FAM83F: variants seen among roughly 807,000 people sequenced by gnomAD.
FAM83F encodes the protein protein FAM83F.
A neutral mutation model predicts 42.9 loss-of-function variants in FAM83F; 45 were observed. That is an observed-to-expected ratio of 1.05 (90% CI 0.83 to 1.35). FAM83F has a LOEUF of 1.35. Among genes scored for constraint, FAM83F ranks in the 40% most tolerant of loss-of-function variants. FAM83F has a pLI of 0.00. For missense variants in FAM83F, 617 were observed against 695.9 expected (o/e 0.89, Z 1.28); for synonymous variants, 306 against 298.3 (o/e 1.03, Z -0.27).
intron 1 of FAM83F, among the ~76,000 whole-genome samples, chr22:40,007,610 TCTCCTCTCTTC>T (rs2067442880): frequency 2.6e-5 from 1 of 38,890 alleles, no homozygotes. Context: ...CCTCCTCTCT[TCTCCTCTCTTC>T]CTCCTCTCCT....
In FAM83F at chr22:40,029,631, G is replaced by A. The variant is rs1354562222; in HGVS notation, c.*66G>A. ...TGCCCTGCCCTGTGCTGTGGAGAGCGCAGGTCGCACACTGCACCAGTTTGC... is the reference window on the plus strand; with the variant it reads ...TGCCCTGCCCTGTGCTGTGGAGAGCACAGGTCGCACACTGCACCAGTTTGC... On this transcript the variant is annotated 3_prime_UTR_variant, in exon 5 of 5. Coordinates refer to ENST00000333407, the MANE Select transcript of FAM83F (RefSeq NM_138435.4). 15 of 1,572,556 alleles carry A rather than the reference G, an allele frequency of 9.5e-6. No homozygotes were observed. The highest frequency in any genetic ancestry group is 2.3e-5 in the East Asian group (1 of 42,618).
Position 40,019,159 on chromosome 22 carries a change from C to G in FAM83F, c.490-9C>G. The G allele has an allele frequency of 6.2e-7, 1 of 1,613,340 alleles. No homozygotes were observed. The highest frequency in any genetic ancestry group is 8.5e-7 in the Non-Finnish European group (1 of 1,179,710). Reference sequence around the variant, plus strand: ...ACCGTGTGCCTCACCAGTGCCTTTCCCCACCCAGGTCATTGCTGTGGTCAT... The same window carrying G: ...ACCGTGTGCCTCACCAGTGCCTTTCGCCACCCAGGTCATTGCTGTGGTCAT... On this transcript the variant is annotated splice_polypyrimidine_tract_variant and intron_variant, in intron 1 of 4. Transcript: ENST00000333407.
chr22:40,032,352 G>A lies in FAM83F; in HGVS notation c.*2787G>A, dbSNP rs1406653834. ...AAGCACAGGACTTCTGGATGGATCT[G>A]GGAGCCTGCCCCTTGGGATTTGGCA... On this transcript the variant is annotated 3_prime_UTR_variant, in exon 5 of 5. Coordinates refer to ENST00000333407, the MANE Select transcript of FAM83F (RefSeq NM_138435.4). The A allele has an allele frequency of 6.6e-6, 1 of 152,192 alleles. No individual in the cohort carries two copies. Among genetic ancestry groups the A allele is most frequent in the Non-Finnish European group, 1.5e-5 (1 of 68,044 alleles). The allele number at this position is 152,192 out of a possible 1,614,324, so 9.4% of individuals were successfully genotyped here.
In FAM83F at chr22:40,041,886, A is replaced by G. The variant is rs1245389028; in HGVS notation, c.*12321A>G. The G allele has an allele frequency of 1.3e-5, 2 of 150,410 alleles. No individual in the cohort carries two copies. The highest frequency in any genetic ancestry group is 2.9e-5 in the Non-Finnish European group (2 of 67,798). The allele number at this position is 150,410 out of a possible 1,614,324, so 9.3% of individuals were successfully genotyped here. ...CAATGTTACTTTTTTTTTTTTTGAG[A>G]CAGGGTCTTGCTCTATTGCCCAGGC... On this transcript the variant is annotated 3_prime_UTR_variant, in exon 5 of 5. Coordinates refer to ENST00000333407, the MANE Select transcript of FAM83F (RefSeq NM_138435.4).
rs1377868481 is a variant in FAM83F, at chr22:40,034,831, TTTC to T, written c.*5269_*5271del. ...CAAATGGGGTTCTGCTGTGATTTAA[TTTC>T]TTAAGGACTGGGTTTATCAAAAGTC... On this transcript the variant is annotated 3_prime_UTR_variant, in exon 5 of 5. Coordinates refer to ENST00000333407, the MANE Select transcript of FAM83F (RefSeq NM_138435.4). The T allele has an allele frequency of 6.6e-6, 1 of 152,248 alleles. No individual in the cohort carries two copies. The highest frequency in any genetic ancestry group is 1.5e-5 in the Non-Finnish European group (1 of 68,044). 9.4% of individuals were successfully genotyped at this position (152,248 alleles called of 1,614,324 possible). A position where few individuals can be genotyped will look rare whatever the true frequency, so the allele number is the denominator to read the frequency against.
chr22:40,003,546 A>G (rs530406607), intron 1 of FAM83F, among the ~76,000 whole-genome samples: 31 of 151,706 alleles, frequency 2.0e-4, no homozygotes, highest in African/African-American at 5.8e-4. Context: ...CCCCCTGCTC[A>G]GGGGGGGTGT....
chr22:40,025,478 C>G (rs988960612), intron 4 of FAM83F, among the ~76,000 whole-genome samples: 1 of 152,052 alleles, frequency 6.6e-6, no homozygotes, highest in Non-Finnish European at 1.5e-5. Context: ...TTGGAGAGGC[C>G]GAGGCAGGTG....
rs558917638 is a variant in FAM83F, at chr22:40,030,091, A to G, written c.*526A>G. On this transcript the variant is annotated 3_prime_UTR_variant, in exon 5 of 5. Transcript: ENST00000333407. Reference sequence around the variant, plus strand: ...CCTCTGAACTCCAGATGTAAGGTGCAGCTGGAACTGCAGGGGCACTGGCTG... The same window carrying G: ...CCTCTGAACTCCAGATGTAAGGTGCGGCTGGAACTGCAGGGGCACTGGCTG... The G allele has an allele frequency of 6.4e-6, 1 of 156,000 alleles. No homozygotes were observed. The highest frequency in any genetic ancestry group is 6.1e-5 in the Admixed American group (1 of 16,374). The allele number at this position is 156,000 out of a possible 1,614,324, so 9.7% of individuals were successfully genotyped here.
At chr22:40,007,721 G>A (rs74849550) in intron 1 of FAM83F, among the ~76,000 whole-genome samples, 2 of 125,180 alleles carry the variant, frequency 1.6e-5, no homozygotes, top group African/African-American at 6.1e-5. Context: ...TCTTCCTCCT[G>A]TCCTCCTCCT....
At position 40,019,934 on chromosome 22, in the gene FAM83F, G is replaced by A. The variant is rs776744520; in HGVS notation, c.705G>A (p.Met235Ile). ...SVTGVGFYMP[M>I]GRIKGTLSSR... is the part of the protein sequence containing the mutation. ...CAGGCGTCGGCTTCTACATGCCCAT[G>A]GGGAGGATCAAGGGGACCCTGTCAT... The change falls in exon 3 of 5, where the codon ATG becomes ATA. Residue 235 changes from methionine to isoleucine, a missense_variant. Physicochemically the swap from Met to Ile is conservative, Grantham distance 10. Coordinates refer to ENST00000333407, the MANE Select transcript of FAM83F (RefSeq NM_138435.4). 1 of 1,613,662 alleles carries A rather than the reference G, an allele frequency of 6.2e-7. No homozygotes were observed. Among genetic ancestry groups the A allele is most frequent in the Non-Finnish European group, 8.5e-7 (1 of 1,179,778 alleles).
intron 4 of FAM83F, among the ~76,000 whole-genome samples, chr22:40,022,206 A>G (rs546603525): frequency 6.6e-6 from 1 of 152,300 alleles, no homozygotes; most frequent in South Asian, 2.1e-4. Context: ...TCTCTGAAAA[A>G]AGAGAAGGAT....
At position 40,034,704 on chromosome 22, in the gene FAM83F, T is replaced by TCTGCTAG. The variant is rs2067611511; in HGVS notation, c.*5139_*5140insCTGCTAG. ...GATTGAAGACTTGACTGCCATTCAG[T>TCTGCTAG]ACAGAGAATTAGCCAGGTGAATAAA... On this transcript the variant is annotated 3_prime_UTR_variant, in exon 5 of 5. Coordinates refer to ENST00000333407, the MANE Select transcript of FAM83F (RefSeq NM_138435.4). 6.6e-6 allele frequency: 1 copy of TCTGCTAG among 152,270 alleles called. No individual in the cohort carries two copies. Among genetic ancestry groups the TCTGCTAG allele is most frequent in the Non-Finnish European group, 1.5e-5 (1 of 68,056 alleles). The allele number at this position is 152,270 out of a possible 1,614,324, so 9.4% of individuals were successfully genotyped here.
chr22:39,997,550 T>A (rs540202073), intron 1 of FAM83F, among the ~76,000 whole-genome samples: 1 of 152,326 alleles, frequency 6.6e-6, no homozygotes, highest in South Asian at 2.1e-4. Flanking sequence ...ATGCTAGGGC[T>A]CTGCTGGAAA....
At chr22:40,026,185 A>G (rs1173272251) in intron 4 of FAM83F, among the ~76,000 whole-genome samples, 3 of 152,146 alleles carry the variant, frequency 2.0e-5, no homozygotes, top group Non-Finnish European at 4.4e-5. Flanking sequence ...TATCATGGCC[A>G]TCTCCAGAAG....
intron 1 of FAM83F, among the ~76,000 whole-genome samples, chr22:40,000,027 A>G (rs970410973): frequency 5.3e-5 from 8 of 152,188 alleles, no homozygotes; most frequent in Non-Finnish European, 1.2e-4. Context: ...TTACTCTCTC[A>G]GTTTCCTTTC....
chr22:40,021,290 G>C lies in FAM83F; in HGVS notation c.780G>C (p.Arg260Ser). 2 of 1,536,530 alleles carry C rather than the reference G, an allele frequency of 1.3e-6. No homozygotes were observed. The highest frequency in any genetic ancestry group is 1.8e-6 in the Non-Finnish European group (2 of 1,136,630). ...TGCTTTTCTGTCCCCACGTTCCCAG[G>C]TTCACCTGGAGTTCCTCCCATGTGG... The part of the protein sequence containing the change: ...DGDKVATGSY[R>S]FTWSSSHVDR... Residue 260 changes from arginine (R) to serine (S), a missense_variant and splice_region_variant, in exon 4 of 5, where the codon AGG becomes AGC. By Grantham distance (110) the Arg-to-Ser change is moderately radical. Transcript: ENST00000333407. The surrounding 1 kb of genome is among the most constrained non-coding windows in gnomAD (Gnocchi z 8.7).
rs2067423991 is a variant in FAM83F at position 40,005,744 on chromosome 22, C to G, written c.489+10213C>G. Among the ~76,000 whole-genome samples, 4 of 152,194 alleles carry G rather than the reference C, an allele frequency of 2.6e-5. No individual in the cohort carries two copies. In the South Asian group the frequency reaches 8.3e-4, roughly 31 times the overall value. ...CAGAGCCCCACACTGAGGTAGAGGG[C>G]TCTGGGAGAGGAAGCGGCCTGGCTG... is the stretch of plus-strand genomic sequence containing the variant. On this transcript the variant is annotated intron_variant, in intron 1 of 4. Coordinates refer to ENST00000333407, the MANE Select transcript of FAM83F (RefSeq NM_138435.4).
intron 1 of FAM83F, among the ~76,000 whole-genome samples, chr22:39,999,858 C>A (rs376131782): frequency 6.6e-6 from 1 of 152,208 alleles, no homozygotes; most frequent in African/African-American, 2.4e-5. Context: ...CTCTGCCTGT[C>A]GATGGGTTTG....
rs1390100473 is a variant in FAM83F, at chr22:40,023,543, C to A, written c.1453+1580C>A. On this transcript the variant is annotated intron_variant, in intron 4 of 4. Transcript: ENST00000333407. This position sits in a 1 kb window ranked among gnomAD's most constrained non-coding sequence, Gnocchi z 4.1. Reference sequence around the variant, plus strand: ...AGTGGAAGCTTTCTCTTCCTTCAGCCCCTCGCCCTGAGATGCAGTTTCCAT... The same window carrying A: ...AGTGGAAGCTTTCTCTTCCTTCAGCACCTCGCCCTGAGATGCAGTTTCCAT... Among the ~76,000 whole-genome samples, 1 of 152,072 alleles carries A rather than the reference C, an allele frequency of 6.6e-6. No individual in the cohort carries two copies. Among genetic ancestry groups the A allele is most frequent in the African/African-American group, 2.4e-5 (1 of 41,400 alleles).
Sources: allele counts gnomAD v4.1 joint callset (sites outside exome capture counted in the v4.1 genomes callset), GRCh38; gene constraint gnomAD v4.1.1; non-coding constraint Gnocchi (gnomAD v3.1); transcripts MANE v1.5; gene names NCBI Gene and HGNC (gene_info 2026-07-23, HGNC 2026-07-21).